Variants in ZSCAN10 observed in about 807,000 individuals in gnomAD.
The protein encoded by ZSCAN10 is zinc finger and SCAN domain containing 10.
ZSCAN10 carries 52 observed loss-of-function variants against 63.7 expected under a neutral mutation model. That is an observed-to-expected ratio of 0.82 (90% confidence interval 0.65 to 1.03). ZSCAN10 has a LOEUF of 1.03. ZSCAN10 is among the 50% of genes least tolerant of loss of function. The pLI is 0.00. For missense variants in ZSCAN10, 1,223 were observed against 1,103.8 expected, an observed-to-expected ratio of 1.11 and a Z score of -1.53; for synonymous variants, 544 against 479.6, an observed-to-expected ratio of 1.13 and a Z score of -1.76.
chr16:3,092,420 G>A, intron 2 of ZSCAN10, 104 bp from the exon 3 acceptor site: 6 of 1,503,342 alleles, frequency 4.0e-6, no homozygotes, highest in Non-Finnish European at 5.3e-6. Context: ...GCCAGGGGAG[G>A]AGTTAGGAGG....
Position 3,094,965 on chromosome 16 carries a change from T to C in ZSCAN10, c.-67-1961A>G, listed in dbSNP as rs1245929137. 2.6e-5 allele frequency among the ~76,000 whole-genome samples: 4 copies of C among 151,442 alleles called. No individual in the cohort carries two copies. In the Admixed American group the frequency reaches 2.6e-4, roughly 10 times the overall value. On this transcript the variant is annotated intron_variant, in intron 1 of 5. Transcript: ENST00000576985. ...GATGAAAGTCTAGTCTTGTAATATA[T>C]AGGAAATGGCTGAGTTCTTAGAAGA...
At position 3,089,464 on chromosome 16, in the gene ZSCAN10, G is replaced by A. The variant is rs750640398; in HGVS notation, c.1970C>T (p.Thr657Ile). The change falls in exon 6 of 6, where the codon ACA (threonine) becomes ATA (isoleucine). Residue 657 changes from threonine (T) to isoleucine (I), a missense_variant. Transcript: ENST00000576985. The stretch of plus-strand genomic sequence containing the variant: ...GTCGCAGGCGTGGGGCTTCTCCCCT[G>A]TGTGGATGCGCTGGTGGCGCGCCAG... Reference protein sequence around the residue: ...AHLARHQRIHTGEKPHACDTC... With the variant: ...AHLARHQRIHIGEKPHACDTC... 1.2e-6 allele frequency: 2 copies of A among 1,605,810 alleles called. No homozygotes were observed. Among genetic ancestry groups the A allele is most frequent in the East Asian group, 2.2e-5 (1 of 44,754 alleles).
chr16:3,089,438 T>C lies in ZSCAN10; in HGVS notation c.1996A>G (p.Thr666Ala). ...CTATTGCGGAAACGGTGGCCGCAGGTGTCGCAGGCGTGGGGCTTCTCCCCT... is the reference window on the plus strand; with the variant it reads ...CTATTGCGGAAACGGTGGCCGCAGGCGTCGCAGGCGTGGGGCTTCTCCCCT... Reference protein sequence around the residue: ...HTGEKPHACDTCGHRFRNSSN... With the variant: ...HTGEKPHACDACGHRFRNSSN... Residue 666 changes from threonine to alanine, a missense_variant, in exon 6 of 6, where the codon ACC becomes GCC. By Grantham distance (58) the Thr-to-Ala change is moderately conservative. Transcript: ENST00000576985. The C allele has an allele frequency of 6.2e-7, 1 of 1,602,750 alleles. No homozygotes were observed. The highest frequency in any genetic ancestry group is 8.5e-7 in the Non-Finnish European group (1 of 1,177,868).
intron 1 of ZSCAN10, among the ~76,000 whole-genome samples, chr16:3,097,155 T>C (rs1469791119): frequency 6.6e-6 from 1 of 151,404 alleles, no homozygotes; most frequent in Non-Finnish European, 1.5e-5. Flanking sequence ...GATGGCCTAG[T>C]TGAGAGCCTT....
Position 3,090,233 on chromosome 16 carries a change from C to T in ZSCAN10, c.1201G>A (p.Glu401Lys), listed in dbSNP as rs776205963. The change falls in exon 6 of 6, where the codon GAG becomes AAG. Residue 401 changes from glutamate to lysine, a missense_variant. Glu to Lys is a moderately conservative substitution (Grantham distance 56, BLOSUM62 1). Coordinates refer to ENST00000576985, the MANE Select transcript of ZSCAN10 (RefSeq NM_032805.3). ...CACAGGTGGCAGGCGTGCGGCCGCT[C>T]GTCCGTGTGAGTGCGCATGTGCAGC... ...LKLHMRTHTDERPHACHLCGH... is the reference protein window; with the variant it reads ...LKLHMRTHTDKRPHACHLCGH... 4 of 1,607,238 alleles carry T rather than the reference C, an allele frequency of 2.5e-6. No homozygotes were observed. Among genetic ancestry groups the T allele is most frequent in the South Asian group, 2.2e-5 (2 of 90,966 alleles).
chr16:3,090,307 A>T lies in ZSCAN10; in HGVS notation c.1127T>A (p.Phe376Tyr). 2 of 1,609,948 alleles carry T rather than the reference A, an allele frequency of 1.2e-6. No individual in the cohort carries two copies. Among genetic ancestry groups the T allele is most frequent in the East Asian group, 2.2e-5 (1 of 44,830 alleles). The change falls in exon 6 of 6, where the codon TTC becomes TAC. Residue 376 changes from phenylalanine to tyrosine, a missense_variant. Phe to Tyr is a conservative substitution (Grantham distance 22). Transcript: ENST00000576985. ...QLRSHPAGRS[F>Y]LCLCCGKSFG... Reference sequence around the variant, plus strand: ...GCTCTTCCCGCAGCAAAGGCACAGGAAGGAGCGCCCAGCCGGGTGCGAGCG... The same window carrying T: ...GCTCTTCCCGCAGCAAAGGCACAGGTAGGAGCGCCCAGCCGGGTGCGAGCG...
intron 1 of ZSCAN10, among the ~76,000 whole-genome samples, chr16:3,098,090 G>GA (rs890766652): frequency 5.7e-4 from 76 of 132,842 alleles, no homozygotes; most frequent in South Asian, 4.5e-3. Flanking sequence ...GAAAAGAAAA[G>GA]AAAAAAAAAG....
intron 1 of ZSCAN10, among the ~76,000 whole-genome samples, chr16:3,094,534 G>A (rs1455268816): frequency 6.6e-6 from 1 of 152,062 alleles, no homozygotes; most frequent in Admixed American, 6.6e-5. Context: ...TAGTAGAGAT[G>A]GGGTTTCACC....
At chr16:3,095,766 T>C (rs2151218352) in intron 1 of ZSCAN10, among the ~76,000 whole-genome samples, 1 of 148,852 alleles carries the variant, frequency 6.7e-6, no homozygotes, top group South Asian at 2.1e-4. Flanking sequence ...AGGTAGAGCT[T>C]GCAATGAGCC....
Position 3,088,920 on chromosome 16 carries a change from T to G in ZSCAN10, c.*171A>C. On this transcript the variant is annotated 3_prime_UTR_variant, in exon 6 of 6. Transcript: ENST00000576985. Reference sequence around the variant, plus strand: ...GAGAAGGCCATTTTACTTCGGGCGTTTTAATTACATAGCTGAGGCCAGAAA... The same window carrying G: ...GAGAAGGCCATTTTACTTCGGGCGTGTTAATTACATAGCTGAGGCCAGAAA... The G allele has an allele frequency of 7.8e-7, 1 of 1,282,108 alleles. No individual in the cohort carries two copies. Among genetic ancestry groups the G allele is most frequent in the Non-Finnish European group, 1.0e-6 (1 of 1,000,378 alleles). 79.4% of individuals were successfully genotyped at this position (1,282,108 alleles called of 1,614,324 possible).
In ZSCAN10 at chr16:3,090,092, C is replaced by G. The variant is rs2151214438; in HGVS notation, c.1342G>C (p.Val448Leu). 6.2e-7 allele frequency: 1 copy of G among 1,603,528 alleles called. No homozygotes were observed. The highest frequency in any genetic ancestry group is 8.5e-7 in the Non-Finnish European group (1 of 1,178,522). The change falls in exon 6 of 6, where the codon GTG becomes CTG. Residue 448 changes from valine to leucine, a missense_variant. Physicochemically the swap from Val to Leu is conservative, Grantham distance 32. Transcript: ENST00000576985. ...GRGFQRRASL[V>L]QHLLAHAQDQ... ...TGGGCGTGCGCCAGCAGGTGCTGCA[C>G]AAGGCTGGCGCGGCGCTGGAAGCCG...
intron 1 of ZSCAN10, among the ~76,000 whole-genome samples, 200 bp downstream of exon 1, chr16:3,098,990 T>G (rs909405): frequency 0.41 from 61,938 of 152,038 alleles, 12,844 homozygotes; most frequent in East Asian, 0.51. Context: ...GCGATCTCCC[T>G]CGTCCCCAAC....
At chr16:3,095,901 TG>T (rs1226475733) in intron 1 of ZSCAN10, among the ~76,000 whole-genome samples, 3 of 151,032 alleles carry the variant, frequency 2.0e-5, no homozygotes, top group Admixed American at 1.3e-4. Flanking sequence ...GAGGCTGAGG[TG>T]GGAAGATTGC....
At chr16:3,091,948 G>C in intron 3 of ZSCAN10, 101 bp downstream of exon 3, 3 of 1,582,420 alleles carry the variant, frequency 1.9e-6, no homozygotes. Context: ...GCGCTCTCCT[G>C]TCCTGGTCAC....
At chr16:3,091,491 GA>G (rs1957074238) in intron 5 of ZSCAN10, 48 bp downstream of exon 5, 1 of 1,595,052 alleles carries the variant, frequency 6.3e-7, no homozygotes, top group Non-Finnish European at 8.6e-7. Context: ...AAAAAGACAA[GA>G]AAAGAAAGAG....
chr16:3,089,762 T>G lies in ZSCAN10; in HGVS notation c.1672A>C (p.Ser558Arg). 6.3e-7 allele frequency: 1 copy of G among 1,598,212 alleles called. No homozygotes were observed. The highest frequency in any genetic ancestry group is 1.7e-5 in the Admixed American group (1 of 59,718). ...RPFSCQACGR[S>R]FTQSSQLVSH... ...ACCAGCTGCGAGCTCTGCGTGAAGC[T>G]GCGGCCGCAAGCCTGGCAGGAGAAG... Residue 558 changes from serine to arginine, a missense_variant, in exon 6 of 6, where the codon AGC (serine) becomes CGC (arginine). Coordinates refer to ENST00000576985, the MANE Select transcript of ZSCAN10 (RefSeq NM_032805.3).
chr16:3,093,137 G>C, intron 1 of ZSCAN10, 133 bp from the exon 2 acceptor site: 1 of 588,154 alleles, frequency 1.7e-6, no homozygotes, highest in Non-Finnish European at 2.5e-6. Context: ...TGGCTCACGA[G>C]GGCAGGACAG....
intron 1 of ZSCAN10, 117 bp from the exon 2 acceptor site, chr16:3,093,121 G>C (rs1054176331): frequency 1.3e-6 from 1 of 753,682 alleles, no homozygotes; most frequent in Non-Finnish European, 1.8e-6. Flanking sequence ...TTTTCTCACT[G>C]GGTAATGGCT....
intron 1 of ZSCAN10, among the ~76,000 whole-genome samples, chr16:3,096,690 G>A (rs1175159483): frequency 6.6e-6 from 1 of 152,158 alleles, no homozygotes; most frequent in African/African-American, 2.4e-5. Flanking sequence ...CAGTGTGGGT[G>A]GCCGAGGTGG....
Sources: allele counts gnomAD v4.1 joint callset (sites outside exome capture counted in the v4.1 genomes callset), GRCh38; gene constraint gnomAD v4.1.1; transcripts MANE v1.5; gene names NCBI Gene and HGNC (gene_info 2026-07-23, HGNC 2026-07-21).